DNER: variants seen among roughly 807,000 people sequenced by gnomAD.
DNER encodes the protein delta/notch like EGF repeat containing.
In DNER, 33 loss-of-function variants were observed where a neutral mutation model predicts 78.2. The observed-to-expected ratio is 0.42, with a 90% CI of 0.32 to 0.56. The LOEUF is 0.56. Among genes scored for constraint, DNER ranks in the 20% least tolerant of loss-of-function variants. The pLI is 0.11. For missense variants in DNER, 918 were observed against 975.3 expected, an observed-to-expected ratio of 0.94 and a Z score of 0.78; for synonymous variants, 417 against 384.8, an observed-to-expected ratio of 1.08 and a Z score of -0.98.
intron 1 of DNER, among the ~76,000 whole-genome samples, chr2:229,595,285 T>A (rs944737492): frequency 9.0e-6 from 1 of 110,850 alleles, no homozygotes; most frequent in African/African-American, 5.5e-5. Flanking sequence ...TATTCACTAA[T>A]TTTTTTTTTT....
intron 2 of DNER, among the ~76,000 whole-genome samples, chr2:229,589,018 C>T (rs1245018629): frequency 6.6e-6 from 1 of 152,204 alleles, no homozygotes; most frequent in Non-Finnish European, 1.5e-5. Context: ...TTTCTTTTTC[C>T]TTGTAGGCTA....
At chr2:229,610,691 G>C (rs1429042465) in intron 1 of DNER, among the ~76,000 whole-genome samples, 1 of 151,938 alleles carries the variant, frequency 6.6e-6, no homozygotes, top group Non-Finnish European at 1.5e-5. Context: ...CTCAACCACC[G>C]ACAGTGTACT....
At position 229,376,734 on chromosome 2, in the gene DNER, A is replaced by G. The variant is rs1356778541; in HGVS notation, c.1856-9615T>C. Among the ~76,000 whole-genome samples the G allele has an allele frequency of 2.6e-5, 4 of 152,218 alleles. No homozygotes were observed. The East Asian group carries it at 7.7e-4, about 29-fold the overall frequency. On this transcript the variant is annotated intron_variant, in intron 11 of 12. Coordinates refer to ENST00000341772, the MANE Select transcript of DNER (RefSeq NM_139072.4). ...CTCATTTGTACAGGAGAAAATAGGA[A>G]CTTATCTATTGACTGATGCATCTAG... is the stretch of plus-strand genomic sequence containing the variant.
At chr2:229,369,452 CA>C (rs899265806) in intron 11 of DNER, among the ~76,000 whole-genome samples, 6 of 138,966 alleles carry the variant, frequency 4.3e-5, no homozygotes, top group South Asian at 2.4e-4. Context: ...TCTAAAAAGT[CA>C]AAAAAAAAGT....
intron 12 of DNER, among the ~76,000 whole-genome samples, chr2:229,362,669 A>G (rs764715576): frequency 2.0e-5 from 3 of 152,208 alleles, no homozygotes; most frequent in Non-Finnish European, 2.9e-5. Context: ...CCAATGAGTT[A>G]TTTGTGAATG....
intron 5 of DNER, among the ~76,000 whole-genome samples, chr2:229,533,706 T>C (rs1232162018): frequency 1.3e-5 from 2 of 152,028 alleles, no homozygotes; most frequent in Non-Finnish European, 2.9e-5. Context: ...ACACCCTTTC[T>C]CCTCAAAAAA....
Position 229,382,526 on chromosome 2 carries a change from G to T in DNER, c.1855+5739C>A, listed in dbSNP as rs193206295. ...AGGAAGCTAAGAAACTTGAAAAAAG[G>T]TTAGATGAATTGCTAACTAGAATAA... On this transcript the variant is annotated intron_variant, in intron 11 of 12. Transcript: ENST00000341772. Among the ~76,000 whole-genome samples the T allele has an allele frequency of 4.6e-5, 7 of 152,136 alleles. No homozygotes were observed. The East Asian group carries it at 1.4e-3, about 30-fold the overall frequency.
intron 1 of DNER, among the ~76,000 whole-genome samples, chr2:229,675,249 C>T (rs1360289123): frequency 1.3e-5 from 2 of 152,208 alleles, no homozygotes; most frequent in Non-Finnish European, 2.9e-5. Flanking sequence ...TCACAGGACT[C>T]ATTAGAGGGA....
chr2:229,388,592 A>AATATAT (rs56042896), intron 10 of DNER, among the ~76,000 whole-genome samples, 196 bp from the exon 11 acceptor site: 29 of 57,996 alleles, frequency 5.0e-4, no homozygotes, highest in Non-Finnish European at 7.4e-4. Context: ...CTAAAAAGGA[A>AATATAT]ATATATATAT....
chr2:229,526,525 G>T (rs543707173), intron 5 of DNER, among the ~76,000 whole-genome samples: 5 of 152,312 alleles, frequency 3.3e-5, no homozygotes, highest in South Asian at 4.1e-4. Context: ...GACAGGGTAG[G>T]GGGGTGGTTT....
chr2:229,480,539 A>G (rs1030994995), intron 6 of DNER, among the ~76,000 whole-genome samples: 24 of 152,244 alleles, frequency 1.6e-4, no homozygotes, highest in Admixed American at 1.4e-3. Context: ...CTAATAAATT[A>G]TAAGTGAGGG....
At chr2:229,673,140 G>A (rs1699238963) in intron 1 of DNER, among the ~76,000 whole-genome samples, 1 of 152,214 alleles carries the variant, frequency 6.6e-6, no homozygotes, top group Non-Finnish European at 1.5e-5. Context: ...CTTTCTGCTG[G>A]ATGGTAACGT....
chr2:229,415,768 A>C (rs1693637702), intron 9 of DNER, among the ~76,000 whole-genome samples: 1 of 152,188 alleles, frequency 6.6e-6, no homozygotes, highest in South Asian at 2.1e-4. Context: ...TTTGCCCTCA[A>C]ATATAAACAA....
chr2:229,521,715 A>G (rs1696102236), intron 5 of DNER, among the ~76,000 whole-genome samples: 6 of 152,202 alleles, frequency 3.9e-5, no homozygotes, highest in Admixed American at 3.9e-4. Flanking sequence ...CTACCTGAGA[A>G]TTCCATGTAT....
chr2:229,495,606 C>T (rs986229715), intron 6 of DNER, among the ~76,000 whole-genome samples: 2 of 152,196 alleles, frequency 1.3e-5, no homozygotes, highest in Non-Finnish European at 2.9e-5. Context: ...TACTCAGGTC[C>T]TCAACCTAGG....
chr2:229,443,238 C>T (rs1694272234), intron 8 of DNER, among the ~76,000 whole-genome samples: 1 of 152,156 alleles, frequency 6.6e-6, no homozygotes, highest in Non-Finnish European at 1.5e-5. Flanking sequence ...AACTCAAGTG[C>T]AAACTATCTT....
At position 229,418,239 on chromosome 2, in the gene DNER, C is replaced by G. The variant is rs370254814; in HGVS notation, c.1487-9G>C. The G allele has an allele frequency of 5.0e-6, 8 of 1,613,640 alleles. No individual in the cohort carries two copies. In the African/African-American group the frequency reaches 9.3e-5, roughly 19 times the overall value. On this transcript the variant is annotated splice_polypyrimidine_tract_variant and intron_variant, in intron 8 of 12. Transcript: ENST00000341772. ...GTAGAGGCCATGGTAACCTGAGGGA[C>G]AGAGAGAAAGGCCCACTGTCAAATG... is the stretch of plus-strand genomic sequence containing the variant.
chr2:229,516,031 C>T (rs1574880161), intron 5 of DNER, among the ~76,000 whole-genome samples: 1 of 152,088 alleles, frequency 6.6e-6, no homozygotes, highest in African/African-American at 2.4e-5. Context: ...TTGAAAGAAA[C>T]CTGAAGAAAC....
intron 1 of DNER, among the ~76,000 whole-genome samples, chr2:229,678,224 C>A (rs1243597462): frequency 6.6e-6 from 1 of 152,118 alleles, no homozygotes; most frequent in Non-Finnish European, 1.5e-5. Context: ...ACTAAAAAAC[C>A]CTGGGTTAGT....
Sources: allele counts gnomAD v4.1 joint callset (sites outside exome capture counted in the v4.1 genomes callset), GRCh38; gene constraint gnomAD v4.1.1; transcripts MANE v1.5; gene names NCBI Gene and HGNC (gene_info 2026-07-23, HGNC 2026-07-21).